The following IL1RAPL1 variants were observed in gnomAD, a reference collection of about 807,000 sequenced individuals.
The protein encoded by IL1RAPL1 is interleukin-1 receptor accessory protein-like 1.
A neutral mutation model predicts 48.4 loss-of-function variants in IL1RAPL1; 3 were observed. That is an observed-to-expected ratio of 0.06 (90% confidence interval 0.03 to 0.16). The LOEUF is 0.16. Among genes scored for constraint, IL1RAPL1 ranks in the 10% least tolerant of loss-of-function variants. The probability of loss-of-function intolerance (pLI) is 1.00; values close to 1 mark genes in which losing one functional copy is unlikely to be tolerated. For synonymous variants in IL1RAPL1, 185 were observed against 187.7 expected (o/e 0.99, Z 0.12); for missense variants, 349 against 530.6 (o/e 0.66, Z 3.36).
chrX:29,783,275 G>A (rs1929405208), intron 6 of IL1RAPL1, among the ~76,000 whole-genome samples: 1 of 110,993 alleles, frequency 9.0e-6, no homozygotes, highest in African/African-American at 3.3e-5. Flanking sequence ...ACAATAGGAA[G>A]TAGAAAGTGG....
At chrX:29,531,188 T>C (rs1257960251) in intron 5 of IL1RAPL1, among the ~76,000 whole-genome samples, 1 of 110,958 alleles carries the variant, frequency 9.0e-6, no homozygotes, top group African/African-American at 3.3e-5. Flanking sequence ...TTAATAGCCA[T>C]TGAAGACTCA....
At chrX:28,909,995 G>C (rs1487698556) in intron 2 of IL1RAPL1, among the ~76,000 whole-genome samples, 1 of 111,467 alleles carries the variant, frequency 9.0e-6, no homozygotes, top group Non-Finnish European at 1.9e-5. Context: ...TTGGAGTATT[G>C]TATTTTAGCC....
intron 3 of IL1RAPL1, among the ~76,000 whole-genome samples, chrX:29,352,072 C>G (rs946780364): frequency 1.8e-5 from 2 of 111,721 alleles, no homozygotes; most frequent in Non-Finnish European, 1.9e-5. Context: ...ATCAGGTAAT[C>G]TTTGTAGACA....
intron 6 of IL1RAPL1, among the ~76,000 whole-genome samples, chrX:29,688,886 A>T (rs1426910054): frequency 9.1e-6 from 1 of 109,632 alleles, no homozygotes; most frequent in Non-Finnish European, 1.9e-5. Flanking sequence ...AGACATTACC[A>T]AAAACTATCC....
intron 2 of IL1RAPL1, among the ~76,000 whole-genome samples, chrX:29,207,165 A>G (rs1930682175): frequency 8.9e-6 from 1 of 111,758 alleles, no homozygotes; most frequent in Non-Finnish European, 1.9e-5. Context: ...TGTATTCTTC[A>G]TTTTCTAAAA....
chrX:29,815,554 A>G (rs1930473223), intron 6 of IL1RAPL1, among the ~76,000 whole-genome samples: 1 of 110,940 alleles, frequency 9.0e-6, no homozygotes. Flanking sequence ...TTGTTTTTCT[A>G]TTTGGATGCC....
intron 2 of IL1RAPL1, among the ~76,000 whole-genome samples, chrX:29,031,012 G>C (rs1926606535): frequency 9.0e-6 from 1 of 111,457 alleles, no homozygotes; most frequent in African/African-American, 3.3e-5. Context: ...ATTTGACTTT[G>C]ATTTTGCAAG....
chrX:29,010,615 G>C (rs758193544), intron 2 of IL1RAPL1, among the ~76,000 whole-genome samples: 1 of 111,548 alleles, frequency 9.0e-6, no homozygotes, highest in Non-Finnish European at 1.9e-5. Flanking sequence ...TTCAAATATC[G>C]ATTTTAGTGA....
intron 2 of IL1RAPL1, among the ~76,000 whole-genome samples, chrX:28,879,737 A>T (rs1249223723): frequency 8.9e-6 from 1 of 112,183 alleles, no homozygotes; most frequent in Non-Finnish European, 1.9e-5. Flanking sequence ...GAGAAGTATT[A>T]GTAGGTTGTG....
intron 2 of IL1RAPL1, among the ~76,000 whole-genome samples, chrX:28,884,441 A>T (rs1302521748): frequency 2.7e-5 from 3 of 111,383 alleles, no homozygotes; most frequent in African/African-American, 9.8e-5. Context: ...AAATTATACC[A>T]AAATAGCCTG....
intron 1 of IL1RAPL1, among the ~76,000 whole-genome samples, chrX:28,677,128 GAT>G (rs1185092101): frequency 1.8e-5 from 2 of 111,799 alleles, no homozygotes; most frequent in African/African-American, 3.3e-5. Context: ...TAATGAGACA[GAT>G]ATGTTATTAA....
rs187877193 is a variant in IL1RAPL1 at position 29,763,493 on chromosome X, T to G, written c.778+94989T>G. Among the ~76,000 whole-genome samples, 570 of 111,217 alleles carry G rather than the reference T, an allele frequency of 5.1e-3. 6 individuals carry two copies. The highest frequency in any genetic ancestry group is 0.017 in the African/African-American group (517 of 30,670). On this transcript the variant is annotated intron_variant, in intron 6 of 10. Transcript: ENST00000378993. Reference sequence around the variant, plus strand: ...ATACTCATAGTAACAGTAACATACATATATGTAATGTGATTTATAAGGATT... The same window carrying G: ...ATACTCATAGTAACAGTAACATACAGATATGTAATGTGATTTATAAGGATT...
intron 5 of IL1RAPL1, among the ~76,000 whole-genome samples, chrX:29,632,497 G>T (rs760397852): frequency 2.0e-4 from 22 of 111,212 alleles, no homozygotes; most frequent in Non-Finnish European, 3.8e-4. Context: ...GGCTTCTGAG[G>T]GTGTATACTG....
intron 5 of IL1RAPL1, among the ~76,000 whole-genome samples, chrX:29,567,786 C>G (rs1020260680): frequency 3.6e-5 from 4 of 111,022 alleles, no homozygotes; most frequent in African/African-American, 1.3e-4. Flanking sequence ...GATAGGAATA[C>G]AAATGCTTCA....
chrX:29,028,818 T>C (rs183281799), intron 2 of IL1RAPL1, among the ~76,000 whole-genome samples: 113 of 111,052 alleles, frequency 1.0e-3, no homozygotes, highest in African/African-American at 3.3e-3. Flanking sequence ...TAAGCCTGGA[T>C]CTTAGAGGTG....
chrX:29,825,176 TAGTG>T (rs1448250941), intron 6 of IL1RAPL1, among the ~76,000 whole-genome samples: 2 of 110,854 alleles, frequency 1.8e-5, no homozygotes, highest in African/African-American at 6.6e-5. Flanking sequence ...CTATCAACAT[TAGTG>T]AGCCGGGTAC....
At chrX:29,190,637 A>G (rs1930334394) in intron 2 of IL1RAPL1, among the ~76,000 whole-genome samples, 1 of 112,547 alleles carries the variant, frequency 8.9e-6, no homozygotes, top group Admixed American at 9.4e-5. Context: ...GAAGGCTGAC[A>G]GATTCCTGGT....
At chrX:28,929,701 T>G (rs2147342299) in intron 2 of IL1RAPL1, among the ~76,000 whole-genome samples, 1 of 112,352 alleles carries the variant, frequency 8.9e-6, no homozygotes, top group Non-Finnish European at 1.9e-5. Context: ...GAAGCTCATA[T>G]GGTTTGCACA....
chrX:29,833,127 G>A lies in IL1RAPL1; in HGVS notation c.779-84337G>A, dbSNP rs924127636. On this transcript the variant is annotated intron_variant, in intron 6 of 10. Coordinates refer to ENST00000378993, the MANE Select transcript of IL1RAPL1 (RefSeq NM_014271.4). ...ATAAAACAAGCACTATAAGCATTAT[G>A]GTGGTGTTGATTTTAAAATTCCAAC... Among the ~76,000 whole-genome samples the A allele has an allele frequency of 8.1e-5, 9 of 111,459 alleles. No individual in the cohort carries two copies. The East Asian group carries it at 8.4e-4, about 10-fold the overall frequency.
Sources: gnomAD v4.1 joint callset for allele counts (sites outside exome capture counted in the v4.1 genomes callset) on GRCh38, gnomAD v4.1.1 for gene constraint, MANE v1.5 for transcripts, NCBI Gene and HGNC (gene_info 2026-07-23, HGNC 2026-07-21) for gene names.